The following NECAB2 variants were observed in gnomAD, a reference collection of about 807,000 sequenced individuals.
NECAB2 encodes N-terminal EF-hand calcium-binding protein 2.
A neutral mutation model predicts 51.9 loss-of-function variants in NECAB2; 68 were observed. That is an observed-to-expected ratio of 1.31 (90% CI 1.08 to 1.60). The LOEUF is 1.60. Ranked by LOEUF, NECAB2 falls within the 40% of genes most tolerant of loss-of-function variation. The probability of loss-of-function intolerance (pLI) is 0.00; values close to 1 mark genes in which losing one functional copy is unlikely to be tolerated. For synonymous variants in NECAB2, 329 were observed against 203.5 expected (o/e 1.62, Z -5.25); for missense variants, 854 against 490.3 (o/e 1.74, Z -7.00).
chr16:83,978,981 G>T (rs1414492225), intron 3 of NECAB2, among the ~76,000 whole-genome samples: 1 of 152,116 alleles, frequency 6.6e-6, no homozygotes, highest in Admixed American at 6.5e-5. Context: ...AACCAAACAC[G>T]AATCCTAACT....
chr16:83,977,358 A>T (rs990885916), intron 2 of NECAB2, among the ~76,000 whole-genome samples: 2 of 152,112 alleles, frequency 1.3e-5, no homozygotes, highest in African/African-American at 4.8e-5. Context: ...TTTGCTCAGC[A>T]GGTCTGTTCA....
At chr16:83,984,373 T>A (rs1462226858) in intron 5 of NECAB2, among the ~76,000 whole-genome samples, 1 of 152,010 alleles carries the variant, frequency 6.6e-6, no homozygotes, top group Non-Finnish European at 1.5e-5. Flanking sequence ...TGATTATTTT[T>A]AAAAATCTAA....
intron 10 of NECAB2, among the ~76,000 whole-genome samples, chr16:83,999,656 G>A (rs541173173): frequency 1.8e-3 from 273 of 152,176 alleles, no homozygotes; most frequent in African/African-American, 5.8e-3. Context: ...ATTCTGGGGC[G>A]GCATAGACTA....
At chr16:83,966,002 C>A, upstream of NECAB2, 1 of 1,559,058 alleles carries the variant, frequency 6.4e-7, no homozygotes, top group Non-Finnish European at 8.7e-7. Flanking sequence ...CAGGAAGCCA[C>A]CCTAACACTC....
intron 2 of NECAB2, among the ~76,000 whole-genome samples, chr16:83,977,140 GCCCTTGTCCC>G (rs2084420913): frequency 6.6e-6 from 1 of 152,168 alleles, no homozygotes; most frequent in South Asian, 2.1e-4. Context: ...GACTCTCAGG[GCCCTTGTCCC>G]AAGCACCCAG....
intron 6 of NECAB2, among the ~76,000 whole-genome samples, chr16:83,993,876 A>G (rs1340467980): frequency 6.6e-6 from 1 of 152,122 alleles, no homozygotes; most frequent in Non-Finnish European, 1.5e-5. Context: ...TCTTGAAACC[A>G]GGTCCCCCAC....
At position 83,980,820 on chromosome 16, in the gene NECAB2, C is replaced by T. The variant is rs1012117477; in HGVS notation, c.336-19C>T. The stretch of plus-strand genomic sequence containing the variant: ...CCCTCTCTGTCTCTGTCTGTCTCTG[C>T]CTCTGTCTGTCTCTGCAGCCATGTG... On this transcript the variant is annotated intron_variant, in intron 3 of 12. Coordinates refer to ENST00000305202, the MANE Select transcript of NECAB2 (RefSeq NM_019065.3). 7.0e-6 allele frequency: 11 copies of T among 1,569,354 alleles called. No individual in the cohort carries two copies. Among genetic ancestry groups the T allele is most frequent in the Non-Finnish European group, 9.5e-6 (11 of 1,156,654 alleles).
rs757770684 is a variant in NECAB2, at chr16:84,002,312, T to G, written c.1133-6T>G. 1.1e-5 allele frequency: 18 copies of G among 1,613,844 alleles called. No individual in the cohort carries two copies. The highest frequency in any genetic ancestry group is 1.4e-5 in the Non-Finnish European group (17 of 1,179,852). On this transcript the variant is annotated splice_region_variant and splice_polypyrimidine_tract_variant and intron_variant, in intron 12 of 12. Coordinates refer to ENST00000305202, the MANE Select transcript of NECAB2 (RefSeq NM_019065.3). ...CCTTCCCTCTAACGTGTCTCTCTCC[T>G]TTTAGCTGCTTGGTGCACGGTGGGA...
intron 5 of NECAB2, among the ~76,000 whole-genome samples, chr16:83,984,127 C>G (rs1369757409): frequency 2.6e-5 from 4 of 151,510 alleles, no homozygotes; most frequent in African/African-American, 7.3e-5. Context: ...TCCCGAGTAG[C>G]TGGGACTACA....
At chr16:83,991,276 G>A (rs1196582294) in intron 6 of NECAB2, among the ~76,000 whole-genome samples, 1 of 151,484 alleles carries the variant, frequency 6.6e-6, no homozygotes, top group African/African-American at 2.4e-5. Flanking sequence ...AGCCACCACA[G>A]CTAGCCTATT....
At chr16:83,996,424 A>G (rs1567677069) in intron 8 of NECAB2, among the ~76,000 whole-genome samples, 1 of 152,180 alleles carries the variant, frequency 6.6e-6, no homozygotes, top group East Asian at 1.9e-4. Context: ...TGGTGACTAC[A>G]CAGACTCATC....
intron 5 of NECAB2, among the ~76,000 whole-genome samples, chr16:83,988,385 T>G (rs2084580888): frequency 6.6e-6 from 1 of 152,240 alleles, no homozygotes; most frequent in Admixed American, 6.5e-5. Flanking sequence ...TTATTAAGAT[T>G]CTTAATCCTA....
At chr16:83,987,590 C>T (rs533916079) in intron 5 of NECAB2, among the ~76,000 whole-genome samples, 4 of 149,790 alleles carry the variant, frequency 2.7e-5, no homozygotes, top group African/African-American at 5.1e-5. Flanking sequence ...AAATCTATTT[C>T]CTGCTCTTTT....
chr16:83,983,501 T>G (rs1031716237), intron 5 of NECAB2, among the ~76,000 whole-genome samples: 1 of 152,194 alleles, frequency 6.6e-6, no homozygotes, highest in Non-Finnish European at 1.5e-5. Context: ...GTTGGAGAAA[T>G]ATTTTTGCAT....
At chr16:83,997,654 AT>A (rs1323523105) in intron 9 of NECAB2, among the ~76,000 whole-genome samples, 1 of 151,388 alleles carries the variant, frequency 6.6e-6, no homozygotes, top group East Asian at 1.9e-4. Flanking sequence ...CGCCTGGCTA[AT>A]TTTTTTGGTA....
Position 83,970,489 on chromosome 16 carries a change from T to C in NECAB2, c.201+1640T>C, listed in dbSNP as rs567739278. Among the ~76,000 whole-genome samples, 4 of 152,214 alleles carry C rather than the reference T, an allele frequency of 2.6e-5. No homozygotes were observed. The South Asian group carries it at 8.3e-4, about 31-fold the overall frequency. ...GGGTGATGTTTGAGAGGCCCTCCCA[T>C]AGCTGTGCTTCAGTCTCACCGCCCA... On this transcript the variant is annotated intron_variant, in intron 1 of 12. Transcript: ENST00000305202.
chr16:83,989,909 A>G (rs1384340779), intron 5 of NECAB2, among the ~76,000 whole-genome samples: 2 of 152,104 alleles, frequency 1.3e-5, no homozygotes, highest in East Asian at 1.9e-4. Flanking sequence ...TTTGATTACT[A>G]AGCCCCGGGC....
chr16:83,981,043 C>T lies in NECAB2; in HGVS notation c.375C>T (p.Asp125=), dbSNP rs148456518. The change falls in exon 5 of 13, where the codon GAC becomes GAT. Residue 125 remains aspartate, a synonymous_variant. Transcript: ENST00000305202. ...DTKELCDYFV[D]HMGDYEDVLA... ...TTCCTTCCCCAGATTACTTTGTGGA[C>T]CACATGGGTGACTATGAGGATGTCC... The T allele has an allele frequency of 1.6e-4, 260 of 1,613,990 alleles. No individual in the cohort carries two copies. Among genetic ancestry groups the T allele is most frequent in the Non-Finnish European group, 1.8e-4 (212 of 1,179,984 alleles).
chr16:83,997,294 C>G, intron 9 of NECAB2, 25 bp downstream of exon 9: 1 of 1,613,970 alleles, frequency 6.2e-7, no homozygotes. Context: ...CACCTCTCTT[C>G]TGGGACCACA....
Sources: allele counts gnomAD v4.1 joint callset (sites outside exome capture counted in the v4.1 genomes callset), GRCh38; gene constraint gnomAD v4.1.1; transcripts MANE v1.5; gene names NCBI Gene and HGNC (gene_info 2026-07-23, HGNC 2026-07-21).